CHSY3: variants seen among roughly 807,000 people sequenced by gnomAD.
The protein encoded by CHSY3 is chondroitin sulfate synthase 3, also known as N-acetylgalactosaminyl-proteoglycan 3-beta-glucuronosyltransferase 3.
A neutral mutation model predicts 67.2 loss-of-function variants in CHSY3; 35 were observed. The observed-to-expected ratio is 0.52, with a 90% CI of 0.40 to 0.69. CHSY3 has a LOEUF of 0.69. Among genes scored for constraint, CHSY3 ranks in the 30% least tolerant of loss-of-function variants. The pLI is 0.00. For synonymous variants in CHSY3, 474 were observed against 434.7 expected (o/e 1.09, Z -1.12); for missense variants, 1,069 against 1,138.5 (o/e 0.94, Z 0.88).
At chr5:130,087,676 C>T (rs1410026147) in intron 2 of CHSY3, among the ~76,000 whole-genome samples, 1 of 152,026 alleles carries the variant, frequency 6.6e-6, no homozygotes, top group Non-Finnish European at 1.5e-5. Context: ...TGAAGGACCT[C>T]TTCAAGGAGA....
At chr5:129,957,896 C>A (rs1179780291) in intron 2 of CHSY3, among the ~76,000 whole-genome samples, 1 of 151,666 alleles carries the variant, frequency 6.6e-6, no homozygotes, top group Non-Finnish European at 1.5e-5. Context: ...CAACTTCATT[C>A]TTATTCTTTC....
chr5:130,002,408 G>A (rs115163023), intron 2 of CHSY3, among the ~76,000 whole-genome samples: 2,426 of 152,158 alleles, frequency 0.016, 52 homozygotes, highest in African/African-American at 0.054. Context: ...CCCCAGTTGC[G>A]CAGCACTTGG....
chr5:130,159,100 G>A (rs1385192529), intron 2 of CHSY3, among the ~76,000 whole-genome samples: 1 of 149,516 alleles, frequency 6.7e-6, no homozygotes, highest in East Asian at 2.0e-4. Context: ...GCACCAAGCA[G>A]AATTTTGGTT....
intron 2 of CHSY3, among the ~76,000 whole-genome samples, chr5:129,965,290 T>A (rs1407487219): frequency 6.6e-6 from 1 of 151,962 alleles, no homozygotes; most frequent in African/African-American, 2.4e-5. Flanking sequence ...TCTGGAAAAT[T>A]GGCAGAAGTT....
rs368443383 is a variant in CHSY3, at chr5:130,183,158, G to A, written c.1087-1071G>A. On this transcript the variant is annotated intron_variant, in intron 2 of 2. Coordinates refer to ENST00000305031, the MANE Select transcript of CHSY3 (RefSeq NM_175856.5). ...TTTATTGTTCATAATCACGTATCTC[G>A]AGTGGGTATAATGGAGGTGTCTTAA... Among the ~76,000 whole-genome samples the A allele has an allele frequency of 7.9e-5, 12 of 151,462 alleles. 1 individual carries two copies. The South Asian group carries it at 1.3e-3, about 16-fold the overall frequency.
At chr5:129,913,218 T>A (rs1215169544) in intron 2 of CHSY3, among the ~76,000 whole-genome samples, 1 of 152,196 alleles carries the variant, frequency 6.6e-6, no homozygotes, top group African/African-American at 2.4e-5. Flanking sequence ...GTCCTCTTAT[T>A]ATTTGTAAGA....
At chr5:129,958,161 G>A (rs150502562) in intron 2 of CHSY3, among the ~76,000 whole-genome samples, 3 of 152,198 alleles carry the variant, frequency 2.0e-5, no homozygotes, top group Non-Finnish European at 4.4e-5. Flanking sequence ...GAATATTAGA[G>A]TGTTATTAGT....
intron 2 of CHSY3, among the ~76,000 whole-genome samples, chr5:130,101,633 T>C (rs1357058067): frequency 6.6e-6 from 1 of 152,158 alleles, no homozygotes; most frequent in Admixed American, 6.5e-5. Context: ...TTTTCAGGTA[T>C]ACAATATATT....
At chr5:130,124,237 G>A (rs2149710318) in intron 2 of CHSY3, among the ~76,000 whole-genome samples, 1 of 152,128 alleles carries the variant, frequency 6.6e-6, no homozygotes. Context: ...GGCCAAAATA[G>A]CTCCACATTC....
At chr5:129,982,567 AT>A (rs1241973550) in intron 2 of CHSY3, among the ~76,000 whole-genome samples, 3 of 152,126 alleles carry the variant, frequency 2.0e-5, no homozygotes, top group Admixed American at 1.3e-4. Flanking sequence ...TCAGAACTAT[AT>A]TTTTTTAAAG....
intron 2 of CHSY3, among the ~76,000 whole-genome samples, chr5:130,035,886 G>GTTTTTTTTTT (rs1180462327): frequency 1.1e-4 from 7 of 65,558 alleles, no homozygotes; most frequent in African/African-American, 3.0e-4. Flanking sequence ...TCATTTGGTT[G>GTTTTTTTTTT]TTTTTTTTTT....
rs71000946 is a variant in CHSY3, at chr5:130,000,732, C to CTTTTTTTTTT, written c.1086+92389_1086+92398dup. 3.5e-4 allele frequency among the ~76,000 whole-genome samples: 27 copies of CTTTTTTTTTT among 76,470 alleles called. 4 individuals carry two copies. Among genetic ancestry groups the CTTTTTTTTTT allele is most frequent in the African/African-American group, 5.2e-4 (10 of 19,394 alleles). The allele number at this position is 76,470 out of a possible 152,430, so 50.2% of individuals were successfully genotyped here. On this transcript the variant is annotated intron_variant, in intron 2 of 2. Coordinates refer to ENST00000305031, the MANE Select transcript of CHSY3 (RefSeq NM_175856.5). ...GGACTACAAATGTGTAACTTTTCTT[C>CTTTTTTTTTT]TTTTTTTTTTTTTTTTTTTTTTTTT...
intron 2 of CHSY3, among the ~76,000 whole-genome samples, chr5:130,012,710 C>A (rs1009489849): frequency 6.6e-6 from 1 of 152,106 alleles, no homozygotes; most frequent in Admixed American, 6.6e-5. Context: ...CAAGATTCCT[C>A]GTGTGACACA....
chr5:129,960,011 C>G (rs1298320210), intron 2 of CHSY3, among the ~76,000 whole-genome samples: 1 of 151,914 alleles, frequency 6.6e-6, no homozygotes, highest in Non-Finnish European at 1.5e-5. Flanking sequence ...TCTGAATGGA[C>G]TAAGTTAGTT....
At chr5:130,110,523 C>T (rs1767558648) in intron 2 of CHSY3, among the ~76,000 whole-genome samples, 1 of 151,932 alleles carries the variant, frequency 6.6e-6, no homozygotes, top group South Asian at 2.1e-4. Context: ...CTTTGGCTTT[C>T]ATTCTGCCCA....
intron 2 of CHSY3, among the ~76,000 whole-genome samples, chr5:129,996,046 T>G (rs1002167739): frequency 1.3e-5 from 2 of 152,150 alleles, no homozygotes; most frequent in Non-Finnish European, 2.9e-5. Context: ...GGTTCTGTCA[T>G]TTGCCAACGA....
intron 2 of CHSY3, among the ~76,000 whole-genome samples, chr5:130,085,480 T>A (rs548280111): frequency 3.3e-5 from 5 of 152,188 alleles, no homozygotes; most frequent in African/African-American, 1.2e-4. Flanking sequence ...TTTTATTGTG[T>A]CTATTTGATT....
chr5:129,906,172 C>T (rs372906532), intron 1 of CHSY3, among the ~76,000 whole-genome samples: 1 of 152,102 alleles, frequency 6.6e-6, no homozygotes, highest in Non-Finnish European at 1.5e-5. Context: ...TTCGCTGTCC[C>T]GGACCCTTTC....
chr5:129,930,975 G>T (rs568462605), intron 2 of CHSY3, among the ~76,000 whole-genome samples: 1 of 152,014 alleles, frequency 6.6e-6, no homozygotes, highest in South Asian at 2.1e-4. Context: ...CATTTCAGTC[G>T]GTTTTAAATT....
Sources: allele counts gnomAD v4.1 joint callset (sites outside exome capture counted in the v4.1 genomes callset), GRCh38; gene constraint gnomAD v4.1.1; transcripts MANE v1.5; gene names NCBI Gene and HGNC (gene_info 2026-07-23, HGNC 2026-07-21).